The following CALN1 variants were observed in gnomAD, a reference collection of about 807,000 sequenced individuals.
The protein encoded by CALN1 is calneuron 1, also known as calcium-binding protein 8.
CALN1 carries 17 observed loss-of-function variants against 30.6 expected under a neutral mutation model. The ratio of observed to expected loss-of-function variants is 0.56; its 90% CI spans 0.38 to 0.83. The LOEUF is 0.83. CALN1 is among the 40% of genes least tolerant of loss of function. The probability of loss-of-function intolerance (pLI) is 0.00; values close to 1 mark genes in which losing one functional copy is unlikely to be tolerated. For missense variants in CALN1, 291 were observed against 354.9 expected (o/e 0.82, Z 1.45); for synonymous variants, 156 against 131.4 (o/e 1.19, Z -1.28).
chr7:72,336,605 G>T, intron 2 of CALN1: 2 of 822,428 alleles, frequency 2.4e-6, no homozygotes, highest in Non-Finnish European at 2.9e-6. Context: ...GCCCGCGACA[G>T]CCCGGGGGTT....
At chr7:72,338,340 T>C (rs573344254) in intron 2 of CALN1, among the ~76,000 whole-genome samples, 7 of 152,024 alleles carry the variant, frequency 4.6e-5, no homozygotes, top group Non-Finnish European at 1.0e-4. Flanking sequence ...ATGTGAAAAA[T>C]TTCACACCAA....
At chr7:72,337,951 A>G (rs1056618572) in intron 2 of CALN1, among the ~76,000 whole-genome samples, 1 of 152,220 alleles carries the variant, frequency 6.6e-6, no homozygotes, top group Non-Finnish European at 1.5e-5. Context: ...GTCTACGCCC[A>G]GACAGACCCC....
At chr7:72,495,761 G>A in the CALN1 span, among the ~76,000 whole-genome samples, 7 of 152,226 alleles carry the variant, frequency 4.6e-5, no homozygotes, top group African/African-American at 1.7e-4. Flanking sequence ...GAAAAGATGT[G>A]AAGCTGATGG....
chr7:72,195,214 G>A (rs1790903238), intron 3 of CALN1, among the ~76,000 whole-genome samples: 1 of 152,154 alleles, frequency 6.6e-6, no homozygotes, highest in African/African-American at 2.4e-5. Context: ...CATCTTTTGA[G>A]CCCTTGCTCC....
intron 2 of CALN1, among the ~76,000 whole-genome samples, chr7:72,300,512 G>A (rs1044051236): frequency 9.2e-5 from 14 of 152,072 alleles, no homozygotes; most frequent in Middle Eastern, 6.8e-3. Context: ...GATCAAAGAC[G>A]CTCACTAAAA....
At chr7:72,127,224 A>G (rs1033058520) in intron 3 of CALN1, among the ~76,000 whole-genome samples, 3 of 152,012 alleles carry the variant, frequency 2.0e-5, no homozygotes, top group African/African-American at 7.2e-5. Context: ...AGTGTTCCAG[A>G]CAGAGGAAAC....
intron 3 of CALN1, among the ~76,000 whole-genome samples, chr7:72,273,983 T>C (rs1271068387): frequency 1.3e-5 from 2 of 152,166 alleles, no homozygotes; most frequent in Non-Finnish European, 2.9e-5. Context: ...GAAAAAGACT[T>C]TTATTATGAA....
chr7:72,262,267 G>A (rs532242280), intron 3 of CALN1, among the ~76,000 whole-genome samples: 1 of 152,318 alleles, frequency 6.6e-6, no homozygotes, highest in African/African-American at 2.4e-5. Flanking sequence ...ATCACACGGA[G>A]GACTTGGAAG....
intron 5 of CALN1, among the ~76,000 whole-genome samples, chr7:71,871,164 A>G (rs1791902060): frequency 6.6e-6 from 1 of 152,226 alleles, no homozygotes; most frequent in African/African-American, 2.4e-5. Context: ...TGAAATGTAA[A>G]TATTGTAGCT....
At chr7:72,039,134 T>C (rs936020217) in intron 4 of CALN1, among the ~76,000 whole-genome samples, 7 of 152,228 alleles carry the variant, frequency 4.6e-5, no homozygotes, top group Non-Finnish European at 5.9e-5. Flanking sequence ...TTTGGATATT[T>C]GAACCATATG....
rs1465311917 is a variant in CALN1 at position 72,023,749 on chromosome 7, C to T, written c.409G>A (p.Asp137Asn). 6.2e-7 allele frequency: 1 copy of T among 1,613,860 alleles called. No homozygotes were observed. The highest frequency in any genetic ancestry group is 1.3e-5 in the African/African-American group (1 of 75,036). The change falls in exon 5 of 7, where the codon GAT becomes AAT. Residue 137 changes from aspartate (D) to asparagine (N), a missense_variant. Asp to Asn is a conservative substitution (Grantham distance 23). Coordinates refer to ENST00000395275, the MANE Select transcript of CALN1 (RefSeq NM_031468.4). ...GGGCCAAGAATGGTCATGAATTCAT[C>T]AAAATCCACCTGGCCATCCCCTGCA... ...DMDGDGQVDF[D>N]EFMTILGPKL...
chr7:72,184,111 T>G (rs1034205132), intron 3 of CALN1, among the ~76,000 whole-genome samples: 20 of 152,212 alleles, frequency 1.3e-4, no homozygotes, highest in Admixed American at 1.2e-3. Flanking sequence ...CAGCAAATGA[T>G]AATCTCTCCT....
intron 2 of CALN1, among the ~76,000 whole-genome samples, chr7:72,392,634 A>C (rs1453000827): frequency 6.6e-6 from 1 of 152,100 alleles, no homozygotes; most frequent in Non-Finnish European, 1.5e-5. Flanking sequence ...CTATTGACTA[A>C]TCCTCTCCCT....
At chr7:72,092,436 A>C (rs1805927976) in intron 4 of CALN1, among the ~76,000 whole-genome samples, 1 of 152,026 alleles carries the variant, frequency 6.6e-6, no homozygotes, top group Non-Finnish European at 1.5e-5. Context: ...TATAACACAC[A>C]CACACACCCA....
intron 3 of CALN1, among the ~76,000 whole-genome samples, chr7:72,240,428 C>T (rs994685398): frequency 2.0e-5 from 3 of 152,178 alleles, no homozygotes; most frequent in African/African-American, 7.2e-5. Flanking sequence ...CTCCTGACCT[C>T]AAGCAATTCT....
chr7:72,408,675 CTTTTT>C (rs534883618), intron 1 of CALN1, among the ~76,000 whole-genome samples: 4 of 77,966 alleles, frequency 5.1e-5, no homozygotes, highest in Non-Finnish European at 9.0e-5. Flanking sequence ...TTATCTTTTC[CTTTTT>C]TTTTTTTTTT....
At chr7:72,432,672 G>A (rs1409697906) in intron 1 of CALN1, among the ~76,000 whole-genome samples, 2 of 152,090 alleles carry the variant, frequency 1.3e-5, no homozygotes, top group Non-Finnish European at 2.9e-5. Context: ...CCTGTAATTG[G>A]ATACTCATCT....
At chr7:71,965,814 C>CA (rs1797503010) in intron 5 of CALN1, among the ~76,000 whole-genome samples, 1 of 152,168 alleles carries the variant, frequency 6.6e-6, no homozygotes, top group South Asian at 2.1e-4. Context: ...GCCCCAGTAT[C>CA]ACTCAATTGA....
At chr7:71,970,505 C>A (rs1797740530) in intron 5 of CALN1, among the ~76,000 whole-genome samples, 2 of 152,072 alleles carry the variant, frequency 1.3e-5, no homozygotes, top group African/African-American at 4.8e-5. Flanking sequence ...TTCTTATACT[C>A]ATTTTAGGCT....
Sources: allele counts gnomAD v4.1 joint callset (sites outside exome capture counted in the v4.1 genomes callset), GRCh38; gene constraint gnomAD v4.1.1; transcripts MANE v1.5; gene names NCBI Gene and HGNC (gene_info 2026-07-23, HGNC 2026-07-21).